LAMTOR2: variants seen among roughly 807,000 people sequenced by gnomAD.
LAMTOR2 encodes the protein late endosomal/lysosomal adaptor, MAPK and MTOR activator 2, also known as ragulator complex protein LAMTOR2.
Under a neutral mutation model 15.8 loss-of-function variants are expected in LAMTOR2, and 4 were observed. That is an observed-to-expected ratio of 0.25 (90% CI 0.12 to 0.58). LAMTOR2 has a LOEUF of 0.58. LAMTOR2 is among the 20% of genes least tolerant of loss of function. The pLI, the probability that LAMTOR2 is intolerant of heterozygous loss-of-function variation, is 0.91. For missense variants in LAMTOR2, 100 were observed against 161.0 expected (o/e 0.62, Z 2.05); for synonymous variants, 62 against 64.1 (o/e 0.97, Z 0.15).
chr1:156,055,072 C>T lies in LAMTOR2; in HGVS notation c.68+115C>T, dbSNP rs568916566. 3 of 1,385,480 alleles carry T rather than the reference C, an allele frequency of 2.2e-6. No homozygotes were observed. Among genetic ancestry groups the T allele is most frequent in the Non-Finnish European group, 3.1e-6 (3 of 981,554 alleles). 85.8% of individuals were successfully genotyped at this position (1,385,480 alleles called of 1,614,324 possible). A position where few individuals can be genotyped will look rare whatever the true frequency, so the allele number is the denominator to read the frequency against. On this transcript the variant is annotated intron_variant, in intron 1 of 3. Transcript: ENST00000368305. This position sits in a 1 kb window ranked among gnomAD's most constrained non-coding sequence, Gnocchi z 4.8. ...AGGGAGGAAGCGGCAGAGGGGGCAG[C>T]GGCTGGGGATACCGGCCGGGAGGTC...
At position 156,055,332 on chromosome 1, in the gene LAMTOR2, T is replaced by C; in HGVS notation, c.138T>C (p.Ala46=). The change falls in exon 2 of 4, where the codon GCT becomes GCC. Residue 46 remains alanine (A), a synonymous_variant. Transcript: ENST00000368305. This position sits in a 1 kb window ranked among gnomAD's most constrained non-coding sequence, Gnocchi z 4.8. ...GGGACACTGACGCCCGGGTCACCGCTGCCATAGCCAGTAACATCTGGGCCG... is the reference window on the plus strand; with the variant it reads ...GGGACACTGACGCCCGGGTCACCGCCGCCATAGCCAGTAACATCTGGGCCG... The part of the protein sequence containing the change: ...GYGDTDARVT[A]AIASNIWAAY... The C allele has an allele frequency of 1.9e-6, 3 of 1,614,202 alleles. No individual in the cohort carries two copies. Among genetic ancestry groups the C allele is most frequent in the Non-Finnish European group, 2.5e-6 (3 of 1,180,020 alleles).
intron 2 of LAMTOR2, among the ~76,000 whole-genome samples, chr1:156,057,443 T>C (rs1454787832): frequency 6.6e-6 from 1 of 152,134 alleles, no homozygotes; most frequent in Non-Finnish European, 1.5e-5. Context: ...AAACAATACT[T>C]TTCCTACTAC....
chr1:156,058,099 G>A lies in LAMTOR2; in HGVS notation c.321+32G>A, dbSNP rs776526499. 1.9e-6 allele frequency: 3 copies of A among 1,606,132 alleles called. No individual in the cohort carries two copies. In the South Asian group the frequency reaches 3.3e-5, roughly 18 times the overall value. On this transcript the variant is annotated intron_variant, in intron 3 of 3. Transcript: ENST00000368305. ...ATGTGCCCATCCCTCCATAGCCCTG[G>A]GCCCAGCCTTCGTGCTTCTACACTG...
intron 2 of LAMTOR2, 29 bp from the exon 3 acceptor site, chr1:156,057,949 A>T (rs750824888): frequency 1.2e-6 from 2 of 1,607,232 alleles, no homozygotes; most frequent in African/African-American, 2.7e-5. Context: ...CAAGCAGAAC[A>T]TCACATCCCA....
chr1:156,054,791 C>G lies in LAMTOR2; in HGVS notation c.-99C>G. On this transcript the variant is annotated 5_prime_UTR_variant, in exon 1 of 4. Coordinates refer to ENST00000368305, the MANE Select transcript of LAMTOR2 (RefSeq NM_014017.4). ...AGAAACTACAACTCCCAGGGCGTCCCGGAGCAGGCCAACGGGACTACGGGA... is the reference window on the plus strand; with the variant it reads ...AGAAACTACAACTCCCAGGGCGTCCGGGAGCAGGCCAACGGGACTACGGGA... The G allele has an allele frequency of 5.7e-6, 7 of 1,237,078 alleles. No homozygotes were observed. The highest frequency in any genetic ancestry group is 8.2e-6 in the Non-Finnish European group (7 of 855,338). 76.6% of individuals were successfully genotyped at this position (1,237,078 alleles called of 1,614,324 possible).
rs1366874225 is a variant in LAMTOR2, at chr1:156,057,969, C to T, written c.232-9C>T. ...AGAACATCACATCCCATCATATCAC[C>T]CCCACCAGGAGGGCCGTGTAGCCAT... On this transcript the variant is annotated splice_polypyrimidine_tract_variant and intron_variant, in intron 2 of 3. Coordinates refer to ENST00000368305, the MANE Select transcript of LAMTOR2 (RefSeq NM_014017.4). 6.2e-7 allele frequency: 1 copy of T among 1,613,722 alleles called. No individual in the cohort carries two copies. Among genetic ancestry groups the T allele is most frequent in the Non-Finnish European group, 8.5e-7 (1 of 1,179,684 alleles).
intron 2 of LAMTOR2, among the ~76,000 whole-genome samples, chr1:156,057,011 C>T (rs11579394): frequency 2.0e-5 from 3 of 151,520 alleles, no homozygotes; most frequent in East Asian, 1.9e-4. Context: ...AACCCCATCT[C>T]TACTAAAAAT....
rs377214359 is a variant in LAMTOR2 at position 156,054,828 on chromosome 1, G to T, written c.-62G>T. On this transcript the variant is annotated 5_prime_UTR_variant, in exon 1 of 4. Coordinates refer to ENST00000368305, the MANE Select transcript of LAMTOR2 (RefSeq NM_014017.4). ...ACGGGACTACGGGAAGCAGCGGGCA[G>T]CGGCCCGCGGGAGGCACCTCGGAGA... The T allele has an allele frequency of 6.4e-7, 1 of 1,554,050 alleles. No homozygotes were observed. Among genetic ancestry groups the T allele is most frequent in the African/African-American group, 1.4e-5 (1 of 73,734 alleles).
Position 156,058,365 on chromosome 1 carries a change from A to G in LAMTOR2, c.372A>G (p.Ala124=). 1 of 1,614,106 alleles carries G rather than the reference A, an allele frequency of 6.2e-7. No individual in the cohort carries two copies. The highest frequency in any genetic ancestry group is 8.5e-7 in the Non-Finnish European group (1 of 1,180,004). The change falls in exon 4 of 4, where the codon GCA becomes GCG. Residue 124 remains alanine (A), a synonymous_variant. Coordinates refer to ENST00000368305, the MANE Select transcript of LAMTOR2 (RefSeq NM_014017.4). ...YLEEPLTQVA[A]S ...AGGAGCCCCTCACCCAAGTGGCGGC[A>G]TCTTAACGGCATTGGTGGAAGCTGG... is the stretch of plus-strand genomic sequence containing the variant.
chr1:156,056,500 G>C (rs1313759290), intron 2 of LAMTOR2, among the ~76,000 whole-genome samples: 1 of 152,014 alleles, frequency 6.6e-6, no homozygotes, highest in African/African-American at 2.4e-5. Context: ...AGAATATTTT[G>C]GACAGAACAG....
intron 2 of LAMTOR2, 151 bp from the exon 3 acceptor site, chr1:156,057,827 C>T: frequency 2.8e-6 from 2 of 707,102 alleles, no homozygotes; most frequent in Non-Finnish European, 5.0e-6. Context: ...ATGTTCAGGG[C>T]TGTGGCCAAA....
In LAMTOR2 at chr1:156,054,801, C is replaced by A; in HGVS notation, c.-89C>A. 7.4e-7 allele frequency: 1 copy of A among 1,357,050 alleles called. No homozygotes were observed. Among genetic ancestry groups the A allele is most frequent in the Non-Finnish European group, 1.0e-6 (1 of 960,810 alleles). The allele number at this position is 1,357,050 out of a possible 1,614,324, so 84.1% of individuals were successfully genotyped here. A position where few individuals can be genotyped will look rare whatever the true frequency, so the allele number is the denominator to read the frequency against. The stretch of plus-strand genomic sequence containing the variant: ...ACTCCCAGGGCGTCCCGGAGCAGGC[C>A]AACGGGACTACGGGAAGCAGCGGGC... On this transcript the variant is annotated 5_prime_UTR_variant, in exon 1 of 4. Coordinates refer to ENST00000368305, the MANE Select transcript of LAMTOR2 (RefSeq NM_014017.4).
chr1:156,055,064 G>C lies in LAMTOR2; in HGVS notation c.68+107G>C, dbSNP rs1012346304. On this transcript the variant is annotated intron_variant, in intron 1 of 3. Transcript: ENST00000368305. The surrounding 1 kb of genome is among the most constrained non-coding windows in gnomAD (Gnocchi z 4.8). The stretch of plus-strand genomic sequence containing the variant: ...CACCAGGAAGGGAGGAAGCGGCAGA[G>C]GGGGCAGCGGCTGGGGATACCGGCC... The C allele has an allele frequency of 3.0e-5, 42 of 1,413,532 alleles. No individual in the cohort carries two copies. The highest frequency in any genetic ancestry group is 2.5e-4 in the Admixed American group (14 of 56,580). 87.6% of individuals were successfully genotyped at this position (1,413,532 alleles called of 1,614,324 possible). A position where few individuals can be genotyped will look rare whatever the true frequency, so the allele number is the denominator to read the frequency against.
At position 156,054,859 on chromosome 1, in the gene LAMTOR2, G is replaced by A. The variant is rs748568210; in HGVS notation, c.-31G>A. On this transcript the variant is annotated 5_prime_UTR_variant, in exon 1 of 4. The change creates a new upstream start codon in the 5' untranslated region. Transcript: ENST00000368305. ...CGCGGGAGGCACCTCGGAGATCTGG[G>A]TGCAAAAGCCCAGGGTTAGGAACCG... 3 of 1,610,352 alleles carry A rather than the reference G, an allele frequency of 1.9e-6. No individual in the cohort carries two copies. In the East Asian group the frequency reaches 6.7e-5, roughly 36 times the overall value.
In LAMTOR2 at chr1:156,054,936, C is replaced by T. The variant is rs763874836; in HGVS notation, c.47C>T (p.Thr16Ile). The T allele has an allele frequency of 3.1e-6, 5 of 1,612,700 alleles. No individual in the cohort carries two copies. Among genetic ancestry groups the T allele is most frequent in the Non-Finnish European group, 4.2e-6 (5 of 1,179,802 alleles). The change falls in exon 1 of 4, where the codon ACT becomes ATT. Residue 16 changes from threonine (T) to isoleucine (I), a missense_variant. Physicochemically the swap from Thr to Ile is moderately conservative, Grantham distance 89 (BLOSUM62 -1). Transcript: ENST00000368305. ...ACCCAGGTGCTAAGCCAAGCCAACA[C>T]TGGAGGCGTCCAGAGCACCCTGTGA... Reference protein sequence around the residue: ...ALTQVLSQANTGGVQSTLLLN... With the variant: ...ALTQVLSQANIGGVQSTLLLN...
rs1647430497 is a variant in LAMTOR2 at position 156,058,038 on chromosome 1, A to G, written c.292A>G (p.Thr98Ala). ...TCTGCTGTGTATGTATGCCAAGGAG[A>G]CCGTGGGCTTTGGAATGCTCAAGGC... ...NLLLCMYAKE[T>A]VGFGMLKAKA... The change falls in exon 3 of 4, where the codon ACC (threonine) becomes GCC (alanine). Residue 98 changes from threonine (T) to alanine (A), a missense_variant. By Grantham distance (58) the Thr-to-Ala change is moderately conservative (BLOSUM62 0). Coordinates refer to ENST00000368305, the MANE Select transcript of LAMTOR2 (RefSeq NM_014017.4). The G allele has an allele frequency of 6.2e-7, 1 of 1,613,858 alleles. No homozygotes were observed.
intron 3 of LAMTOR2, 63 bp from the exon 4 acceptor site, chr1:156,058,252 C>T (rs1188417168): frequency 1.2e-6 from 2 of 1,608,334 alleles, no homozygotes; most frequent in African/African-American, 2.7e-5. Context: ...TGGGAGCAGA[C>T]CTGGATTTGG....
rs567420796 is a variant in LAMTOR2, at chr1:156,055,963, G to A, written c.231+538G>A. On this transcript the variant is annotated intron_variant, in intron 2 of 3. Transcript: ENST00000368305. The surrounding 1 kb of genome is among the most constrained non-coding windows in gnomAD (Gnocchi z 4.8). The stretch of plus-strand genomic sequence containing the variant: ...ATTGTGAACTTCTTAGTATCTGTTC[G>A]GTCGACAAGTATTTAGGTCCTTGCA... 48 of 170,282 alleles carry A rather than the reference G, an allele frequency of 2.8e-4. No homozygotes were observed. The highest frequency in any genetic ancestry group is 5.5e-4 in the Non-Finnish European group (42 of 76,824). The allele number at this position is 170,282 out of a possible 1,614,324, so 10.5% of individuals were successfully genotyped here. A position where few individuals can be genotyped will look rare whatever the true frequency, so the allele number is the denominator to read the frequency against.
At chr1:156,058,141 G>A (rs998926982) in intron 3 of LAMTOR2, 74 bp downstream of exon 3, 2 of 1,528,274 alleles carry the variant, frequency 1.3e-6, no homozygotes, top group Non-Finnish European at 1.8e-6. Context: ...CTCCCACCAG[G>A]ACCCTGTTTC....
Sources: gnomAD v4.1 joint callset for allele counts (sites outside exome capture counted in the v4.1 genomes callset) on GRCh38, gnomAD v4.1.1 for gene constraint, Gnocchi (gnomAD v3.1) non-coding constraint, MANE v1.5 for transcripts, NCBI Gene and HGNC (gene_info 2026-07-23, HGNC 2026-07-21) for gene names.